The following CDC42BPA variants were observed in gnomAD, a reference collection of about 807,000 sequenced individuals.
The protein encoded by CDC42BPA is CDC42 binding protein kinase alpha.
A neutral mutation model predicts 223.5 loss-of-function variants in CDC42BPA; 80 were observed. That is an observed-to-expected ratio of 0.36 (90% CI 0.30 to 0.43). The LOEUF (loss-of-function observed/expected upper bound fraction) is 0.43, where lower values mean the gene tolerates loss of function less well. Among genes scored for constraint, CDC42BPA ranks in the 20% least tolerant of loss-of-function variants. The pLI is 1.00. For synonymous variants in CDC42BPA, 694 were observed against 718.6 expected (o/e 0.97, Z 0.55); for missense variants, 1,743 against 2,099.9 (o/e 0.83, Z 3.32).
intron 1 of CDC42BPA, among the ~76,000 whole-genome samples, chr1:227,268,614 GTGTATA>G (rs2148441980): frequency 7.8e-6 from 1 of 127,920 alleles, no homozygotes; most frequent in South Asian, 2.6e-4. Context: ...TGTATAGTGT[GTGTATA>G]TATATAGTAT....
In CDC42BPA at chr1:227,145,683, G is replaced by A. The variant is rs2149674161; in HGVS notation, c.949C>T (p.Leu317Phe). 6.2e-7 allele frequency: 1 copy of A among 1,613,622 alleles called. No homozygotes were observed. The highest frequency in any genetic ancestry group is 1.7e-4 in the Middle Eastern group (1 of 6,058). ...CTGCTACAAATGAGCCTTCGAATAA[G>A]ATCCTTAGCATTTTCAGACACATCA... ...VTDVSENAKD[L>F]IRRLICSREH... The change falls in exon 8 of 37, where the codon CTT (leucine) becomes TTT (phenylalanine). Residue 317 changes from leucine to phenylalanine, a missense_variant. This residue lies in a region of CDC42BPA where 321 missense variants were observed against 488.7 expected (regional missense o/e 0.66). Transcript: ENST00000366766.
intron 15 of CDC42BPA, among the ~76,000 whole-genome samples, chr1:227,099,213 GTTATC>G (rs1339582124): frequency 7.2e-5 from 11 of 151,814 alleles, no homozygotes; most frequent in African/African-American, 2.7e-4. Context: ...ACTTCGTATC[GTTATC>G]TTAGAGTATA....
chr1:227,243,490 T>C (rs997917188), intron 2 of CDC42BPA, among the ~76,000 whole-genome samples: 7 of 152,108 alleles, frequency 4.6e-5, no homozygotes, highest in East Asian at 1.9e-4. Flanking sequence ...CTTTGACCTA[T>C]ACCTCAGAAA....
chr1:227,220,282 T>TTTTATATATATATATATA (rs748787987), intron 2 of CDC42BPA, among the ~76,000 whole-genome samples: 204 of 100,646 alleles, frequency 2.0e-3, no homozygotes, highest in Middle Eastern at 5.4e-3. Context: ...AAAAGTCATG[T>TTTTATATATATATATATA]TATATATATA....
Position 227,085,238 on chromosome 1 carries a change from C to T in CDC42BPA, c.2356-4221G>A, listed in dbSNP as rs149369899. On this transcript the variant is annotated intron_variant, in intron 16 of 36. Transcript: ENST00000366766. Reference sequence around the variant, plus strand: ...TATTGGTTCTGTTTCTCTGTGGAACCCTAACTAATACAGGCCACAACCATG... The same window carrying T: ...TATTGGTTCTGTTTCTCTGTGGAACTCTAACTAATACAGGCCACAACCATG... 2.0e-5 allele frequency among the ~76,000 whole-genome samples: 3 copies of T among 152,284 alleles called. No individual in the cohort carries two copies. In the East Asian group the frequency reaches 5.8e-4, roughly 29 times the overall value.
intron 11 of CDC42BPA, among the ~76,000 whole-genome samples, chr1:227,127,484 T>G (rs1344478832): frequency 6.6e-6 from 1 of 152,224 alleles, no homozygotes; most frequent in African/African-American, 2.4e-5. Context: ...AGAGGAGAGA[T>G]ATGCTTATGA....
intron 34 of CDC42BPA, among the ~76,000 whole-genome samples, chr1:227,005,602 C>T (rs927827907): frequency 2.6e-5 from 4 of 152,170 alleles, no homozygotes; most frequent in Non-Finnish European, 5.9e-5. Context: ...AGTCACCAGG[C>T]ATCTTTACTG....
At chr1:227,124,754 T>A (rs1028867914) in intron 11 of CDC42BPA, among the ~76,000 whole-genome samples, 1 of 152,130 alleles carries the variant, frequency 6.6e-6, no homozygotes, top group Non-Finnish European at 1.5e-5. Flanking sequence ...TACTTTATCC[T>A]GGAGGCAATG....
chr1:227,292,860 T>C (rs182075990), intron 1 of CDC42BPA, among the ~76,000 whole-genome samples: 1 of 152,204 alleles, frequency 6.6e-6, no homozygotes, highest in Non-Finnish European at 1.5e-5. Flanking sequence ...TTCTCTCTCC[T>C]GAACATTCTA....
At chr1:227,258,886 TACA>T (rs1338890963) in intron 1 of CDC42BPA, among the ~76,000 whole-genome samples, 1 of 151,154 alleles carries the variant, frequency 6.6e-6, no homozygotes, top group East Asian at 1.9e-4. Flanking sequence ...TTATATTCAT[TACA>T]ACAATTGAAA....
intron 22 of CDC42BPA, among the ~76,000 whole-genome samples, chr1:227,048,601 A>T (rs1572477473): frequency 6.6e-6 from 1 of 151,736 alleles, no homozygotes; most frequent in East Asian, 1.9e-4. Flanking sequence ...ATTTAGTCAC[A>T]TACCATATCT....
chr1:227,017,375 T>C (rs1271894542), intron 32 of CDC42BPA, among the ~76,000 whole-genome samples: 2 of 152,196 alleles, frequency 1.3e-5, no homozygotes, highest in African/African-American at 4.8e-5. Flanking sequence ...ATCTCAATAC[T>C]ATATTTTCTC....
At chr1:227,021,863 C>T (rs1039828700) in intron 32 of CDC42BPA, among the ~76,000 whole-genome samples, 9 of 151,156 alleles carry the variant, frequency 6.0e-5, no homozygotes, top group Non-Finnish European at 1.3e-4. Context: ...ACTAAAAATA[C>T]AAAAAAATTA....
At chr1:227,027,013 G>A (rs1191732412) in intron 30 of CDC42BPA, among the ~76,000 whole-genome samples, 5 of 152,030 alleles carry the variant, frequency 3.3e-5, no homozygotes, top group African/African-American at 9.7e-5. Context: ...AGTTGGCCTC[G>A]AACTTCTGGC....
intron 6 of CDC42BPA, among the ~76,000 whole-genome samples, chr1:227,151,371 AT>A (rs1374061211): frequency 7.2e-5 from 11 of 152,216 alleles, no homozygotes; most frequent in Non-Finnish European, 1.5e-4. Flanking sequence ...CATTGTATGT[AT>A]ACAGCACATT....
chr1:227,056,785 T>A (rs1674666910), intron 21 of CDC42BPA, among the ~76,000 whole-genome samples: 1 of 152,200 alleles, frequency 6.6e-6, no homozygotes, highest in African/African-American at 2.4e-5. Context: ...TGAGAACAAG[T>A]ATAAACTCAA....
At chr1:227,098,707 G>C in intron 15 of CDC42BPA, among the ~76,000 whole-genome samples, 1 of 151,182 alleles carries the variant, frequency 6.6e-6, no homozygotes, top group Admixed American at 6.6e-5. Context: ...TATCCCTTTT[G>C]CCACTACTCT....
At chr1:227,133,785 C>T (rs962227268) in intron 10 of CDC42BPA, among the ~76,000 whole-genome samples, 1 of 151,864 alleles carries the variant, frequency 6.6e-6, no homozygotes, top group African/African-American at 2.4e-5. Context: ...TGAGAGTCAT[C>T]ACCACTCCCT....
At chr1:227,234,352 T>C (rs969349701) in intron 2 of CDC42BPA, 5 of 152,150 alleles carry the variant, frequency 3.3e-5, no homozygotes, top group African/African-American at 1.2e-4. Context: ...AGAAAATGGG[T>C]CTGCCCAAAA....
Sources: gnomAD v4.1 joint callset for allele counts (sites outside exome capture counted in the v4.1 genomes callset) on GRCh38, gnomAD v4.1.1 for gene constraint, gnomAD v4.1.1 regional missense constraint, MANE v1.5 for transcripts, NCBI Gene and HGNC (gene_info 2026-07-23, HGNC 2026-07-21) for gene names.